Variants in OSBPL10 observed in about 807,000 individuals in gnomAD.
The protein encoded by OSBPL10 is oxysterol binding protein like 10.
A neutral mutation model predicts 81.7 loss-of-function variants in OSBPL10; 49 were observed. The ratio of observed to expected loss-of-function variants is 0.60; its 90% CI spans 0.48 to 0.76. The LOEUF (loss-of-function observed/expected upper bound fraction) is 0.76, where lower values mean the gene tolerates loss of function less well. Among genes scored for constraint, OSBPL10 ranks in the 30% least tolerant of loss-of-function variants. OSBPL10 has a pLI of 0.00. For missense variants in OSBPL10, 923 were observed against 987.8 expected (o/e 0.93, Z 0.88); for synonymous variants, 419 against 383.6 (o/e 1.09, Z -1.08).
At chr3:32,064,410 C>CT (rs1238210951) in intron 1 of OSBPL10, 1 of 93,818 alleles carries the variant, frequency 1.1e-5, no homozygotes, top group African/African-American at 2.8e-5. Flanking sequence ...ATTTCACCAT[C>CT]TTTTCAGGAG....
chr3:32,041,514 G>C (rs1699574833), intron 2 of OSBPL10, among the ~76,000 whole-genome samples: 1 of 152,076 alleles, frequency 6.6e-6, no homozygotes, highest in Non-Finnish European at 1.5e-5. Flanking sequence ...GCTTTAAAAT[G>C]GTCACACGCC....
intron 1 of OSBPL10, among the ~76,000 whole-genome samples, chr3:31,911,019 C>A (rs1447110931): frequency 2.0e-5 from 3 of 152,144 alleles, no homozygotes; most frequent in African/African-American, 7.2e-5. Flanking sequence ...CACAGCCCAG[C>A]CTTTCAGGAC....
At chr3:31,828,001 T>C (rs1433288528) in intron 4 of OSBPL10, among the ~76,000 whole-genome samples, 6 of 152,184 alleles carry the variant, frequency 3.9e-5, no homozygotes, top group African/African-American at 7.2e-5. Context: ...ACACAAGTCC[T>C]ACATTTTTTT....
rs543131333 is a variant in OSBPL10, at chr3:31,998,045, G to A, written n.298+48446C>T. 9.9e-5 allele frequency among the ~76,000 whole-genome samples: 15 copies of A among 152,146 alleles called. No homozygotes were observed. The South Asian group carries it at 1.9e-3, about 19-fold the overall frequency. ...TGAGCTCAAGCAGTCCTCCCGCCTC[G>A]GCCTCCTGAAGTGCCACAGGTGTGA... is the stretch of plus-strand genomic sequence containing the variant. On this transcript the variant is annotated intron_variant and non_coding_transcript_variant, in intron 2 of 3. Coordinates refer to the OSBPL10 transcript ENST00000479173.
chr3:31,764,612 A>T (rs1482065930), intron 4 of OSBPL10, among the ~76,000 whole-genome samples: 2 of 152,324 alleles, frequency 1.3e-5, no homozygotes, highest in African/African-American at 4.8e-5. Flanking sequence ...CATTGCCCCT[A>T]GTTTGTTGTT....
chr3:31,663,979 G>C (rs752243234), intron 11 of OSBPL10, 100 bp downstream of exon 11: 3 of 1,612,516 alleles, frequency 1.9e-6, no homozygotes, highest in Non-Finnish European at 2.5e-6. Flanking sequence ...CCCCTGCCTG[G>C]TATTTATCCA....
At chr3:31,681,070 A>G (rs1298176810) in intron 8 of OSBPL10, among the ~76,000 whole-genome samples, 3 of 152,222 alleles carry the variant, frequency 2.0e-5, no homozygotes, top group Admixed American at 6.5e-5. Context: ...CTCCATCTGA[A>G]TTGTGGAAAA....
At chr3:31,870,090 C>A (rs1461566364) in intron 3 of OSBPL10, among the ~76,000 whole-genome samples, 1 of 152,216 alleles carries the variant, frequency 6.6e-6, no homozygotes, top group African/African-American at 2.4e-5. Context: ...AGGCCAGAGC[C>A]GGCTCCCTCA....
rs1342442600 is a variant in OSBPL10, at chr3:32,061,249, T to C, written n.186-14646A>G. On this transcript the variant is annotated intron_variant and non_coding_transcript_variant, in intron 1 of 3. Coordinates refer to the OSBPL10 transcript ENST00000479173. Reference sequence around the variant, plus strand: ...ATTGTAACTCTTTGTTTAATATCTGTCTTTCAGATAAACTATAAGCACTGT... The same window carrying C: ...ATTGTAACTCTTTGTTTAATATCTGCCTTTCAGATAAACTATAAGCACTGT... 4.3e-5 allele frequency among the ~76,000 whole-genome samples: 4 copies of C among 92,580 alleles called. 1 individual carries two copies. Among genetic ancestry groups the C allele is most frequent in the Non-Finnish European group, 8.6e-5 (3 of 34,696 alleles). 60.7% of individuals were successfully genotyped at this position (92,580 alleles called of 152,430 possible).
chr3:32,009,643 C>T (rs1699233747), intron 2 of OSBPL10, among the ~76,000 whole-genome samples: 1 of 152,222 alleles, frequency 6.6e-6, no homozygotes, highest in African/African-American at 2.4e-5. Flanking sequence ...GAATTAGCAG[C>T]AGCACTGCAG....
chr3:31,703,877 GGT>G (rs1695976052), intron 6 of OSBPL10: 1 of 152,106 alleles, frequency 6.6e-6, no homozygotes, highest in Non-Finnish European at 1.5e-5. Flanking sequence ...CCTCATAATG[GGT>G]ATTATCTGAC....
At chr3:31,897,083 A>G (rs1236673148) in intron 1 of OSBPL10, among the ~76,000 whole-genome samples, 2 of 152,200 alleles carry the variant, frequency 1.3e-5, no homozygotes, top group African/African-American at 4.8e-5. Context: ...TAAAAGGAAG[A>G]AAAAAGAATG....
chr3:31,980,805 G>A (rs1056241553), intron 1 of OSBPL10, 94 bp downstream of exon 1: 18 of 1,348,836 alleles, frequency 1.3e-5, no homozygotes, highest in African/African-American at 1.5e-5. Flanking sequence ...AATCGCGCGC[G>A]CACACACATA....
intron 1 of OSBPL10, among the ~76,000 whole-genome samples, chr3:31,930,785 C>T (rs1438006376): frequency 7.2e-5 from 11 of 151,770 alleles, no homozygotes; most frequent in African/African-American, 1.7e-4. Context: ...GAGGCCGAGG[C>T]GGGTAGATCA....
chr3:31,726,448 C>T (rs1337879654), intron 6 of OSBPL10, among the ~76,000 whole-genome samples: 1 of 152,014 alleles, frequency 6.6e-6, no homozygotes, highest in Non-Finnish European at 1.5e-5. Context: ...TCCCAAGTAG[C>T]TGGGATTGTA....
intron 1 of OSBPL10, among the ~76,000 whole-genome samples, chr3:31,891,631 TTAC>T (rs1422237311): frequency 1.3e-5 from 2 of 152,210 alleles, no homozygotes; most frequent in Non-Finnish European, 2.9e-5. Context: ...TATCAGCAGT[TTAC>T]TACAATGCCA....
At chr3:31,849,324 G>A (rs564445269) in intron 3 of OSBPL10, among the ~76,000 whole-genome samples, 77 of 152,286 alleles carry the variant, frequency 5.1e-4, no homozygotes, top group African/African-American at 1.8e-3. Flanking sequence ...TAGACAGTAT[G>A]GGCAATTTGA....
intron 2 of OSBPL10, among the ~76,000 whole-genome samples, chr3:32,026,800 C>T (rs1305165132): frequency 1.3e-5 from 2 of 152,204 alleles, no homozygotes; most frequent in East Asian, 1.9e-4. Flanking sequence ...GCTGAGGAAA[C>T]GGGCATGAAC....
chr3:31,990,303 T>C, intron 2 of OSBPL10: 1 of 1,614,128 alleles, frequency 6.2e-7, no homozygotes, highest in Middle Eastern at 1.7e-4. Context: ...AAGTCTTCAG[T>C]AATGCTACAA....
Sources: allele counts gnomAD v4.1 joint callset (sites outside exome capture counted in the v4.1 genomes callset), GRCh38; gene constraint gnomAD v4.1.1; transcripts MANE v1.5; gene names NCBI Gene and HGNC (gene_info 2026-07-23, HGNC 2026-07-21).